The following IL17F variants were observed in gnomAD, a reference collection of about 807,000 sequenced individuals.
The protein encoded by IL17F is interleukin-17F.
IL17F carries 6 observed loss-of-function variants against 8.3 expected under a neutral mutation model. That is an observed-to-expected ratio of 0.73 (90% CI 0.40 to 1.43). The LOEUF is 1.43. IL17F is among the 40% of genes most tolerant of loss of function. The pLI is 0.02. For missense variants in IL17F, 204 were observed against 209.6 expected, an observed-to-expected ratio of 0.97 and a Z score of 0.17; for synonymous variants, 98 against 81.6, an observed-to-expected ratio of 1.20 and a Z score of -1.08.
At chr6:52,237,735 T>A (rs533564563) in intron 2 of IL17F, among the ~76,000 whole-genome samples, 1 of 152,022 alleles carries the variant, frequency 6.6e-6, no homozygotes, top group Non-Finnish European at 1.5e-5. Flanking sequence ...CCACTTGTAG[T>A]GTGACAGGAC....
chr6:52,244,833 C>T (rs544122374), upstream of IL17F, among the ~76,000 whole-genome samples: 1 of 152,294 alleles, frequency 6.6e-6, no homozygotes, highest in African/African-American at 2.4e-5. Flanking sequence ...TTGTCACGGA[C>T]CATATGTTCT....
chr6:52,244,610 G>GTTT, upstream of IL17F: 1 of 519,748 alleles, frequency 1.9e-6, no homozygotes, highest in Non-Finnish European at 3.4e-6. Flanking sequence ...GAATGCAGGG[G>GTTT]TTTTTTTTTT....
Position 52,236,769 on chromosome 6 carries a change from C to T in IL17F, c.*162G>A. 2 of 714,646 alleles carry T rather than the reference C, an allele frequency of 2.8e-6. No individual in the cohort carries two copies. Among genetic ancestry groups the T allele is most frequent in the South Asian group, 3.0e-5 (2 of 65,620 alleles). The allele number at this position is 714,646 out of a possible 1,614,324, so 44.3% of individuals were successfully genotyped here. A position where few individuals can be genotyped will look rare whatever the true frequency, so the allele number is the denominator to read the frequency against. ...TAGATATCAAATATAAAGTGTAGTA[C>T]ATACACACATACATTGTGAATATTT... On this transcript the variant is annotated 3_prime_UTR_variant, in exon 3 of 3. Transcript: ENST00000336123.
chr6:52,242,316 A>ACATCCAT (rs1245827757), intron 1 of IL17F, among the ~76,000 whole-genome samples: 1 of 152,196 alleles, frequency 6.6e-6, no homozygotes, highest in Non-Finnish European at 1.5e-5. Flanking sequence ...AGCAACCTGA[A>ACATCCAT]CATCCATCCT....
intron 1 of IL17F, among the ~76,000 whole-genome samples, chr6:52,243,810 T>C (rs1764111564): frequency 6.6e-6 from 1 of 152,128 alleles, no homozygotes; most frequent in African/African-American, 2.4e-5. Flanking sequence ...TCACCCAGGA[T>C]GGAGTGCAGT....
intron 1 of IL17F, among the ~76,000 whole-genome samples, chr6:52,243,295 C>G (rs1379626215): frequency 2.0e-5 from 3 of 152,176 alleles, no homozygotes; most frequent in Admixed American, 6.5e-5. Flanking sequence ...TCATGTACCT[C>G]TATAGTAAAT....
At chr6:52,240,075 C>T (rs993252748) in intron 1 of IL17F, among the ~76,000 whole-genome samples, 4 of 152,168 alleles carry the variant, frequency 2.6e-5, no homozygotes, top group African/African-American at 9.7e-5. Context: ...GCTTTGCTCA[C>T]CCACCATTGC....
In IL17F at chr6:52,238,870, A is replaced by G. The variant is rs1192851440; in HGVS notation, c.114T>C (p.His38=). The change falls in exon 2 of 3, where the codon CAT becomes CAC. Residue 38 remains histidine (H), a synonymous_variant. Transcript: ENST00000336123. ...AAARKIPKVG[H]TFFQKPESCP... is the part of the protein sequence containing the mutation. ...AACTCTCAGGCTTTTGGAAAAAAGT[A>G]TGTCCTACTTTGGGGATTTTCCGAG... is the stretch of plus-strand genomic sequence containing the variant. 5.0e-6 allele frequency: 8 copies of G among 1,613,896 alleles called. No homozygotes were observed. Among genetic ancestry groups the G allele is most frequent in the Admixed American group, 1.7e-5 (1 of 59,992 alleles).
chr6:52,238,242 T>C (rs1764004806), intron 2 of IL17F, among the ~76,000 whole-genome samples: 2 of 152,248 alleles, frequency 1.3e-5, no homozygotes. Flanking sequence ...TCCAAGAACC[T>C]GTATCTTAAT....
intron 1 of IL17F, among the ~76,000 whole-genome samples, chr6:52,239,465 G>C (rs1273008486): frequency 6.6e-6 from 1 of 152,022 alleles, no homozygotes; most frequent in Non-Finnish European, 1.5e-5. Context: ...CCTCTACCTA[G>C]AATACACTGC....
At chr6:52,242,116 A>G (rs371672518) in intron 1 of IL17F, among the ~76,000 whole-genome samples, 2 of 152,192 alleles carry the variant, frequency 1.3e-5, no homozygotes, top group African/African-American at 4.8e-5. Flanking sequence ...TTTAAACAGC[A>G]CCTCTCAGAG....
chr6:52,237,004 GA>G lies in IL17F; in HGVS notation c.418del (p.Ser140LeufsTer9). The G allele has an allele frequency of 6.2e-7, 1 of 1,614,218 alleles. No homozygotes were observed. The highest frequency in any genetic ancestry group is 8.5e-7 in the Non-Finnish European group (1 of 1,180,026). On this transcript the variant is annotated frameshift_variant, in exon 3 of 3. Coordinates refer to ENST00000336123, the MANE Select transcript of IL17F (RefSeq NM_052872.4). LOFTEE classifies it high-confidence loss of function. ...CACCAGCACCTTCTCCAACTGGAAA[GA>G]AACAGAGCAGCCTTGGTGCTTCCTC... is the stretch of plus-strand genomic sequence containing the variant. ...VRRKHQGCSV[S>X]FQLEKVLVTV... is the part of the protein sequence containing the mutation.
intron 1 of IL17F, among the ~76,000 whole-genome samples, chr6:52,240,899 AT>A (rs1343034607): frequency 2.0e-5 from 3 of 151,820 alleles, no homozygotes; most frequent in Admixed American, 6.6e-5. Context: ...AAAAAAAAAA[AT>A]GTGAAGATTA....
intron 2 of IL17F, 45 bp from the exon 3 acceptor site, chr6:52,237,213 G>A: frequency 1.4e-6 from 2 of 1,452,376 alleles, no homozygotes; most frequent in South Asian, 1.2e-5. Context: ...GCATGGGGGA[G>A]GAAGACAGCG....
At chr6:52,240,438 GAAAAAAAAA>G (rs34052816) in intron 1 of IL17F, among the ~76,000 whole-genome samples, 10 of 96,368 alleles carry the variant, frequency 1.0e-4, no homozygotes, top group Non-Finnish European at 6.0e-5. Context: ...CTCCTGCTTG[GAAAAAAAAA>G]AAAAAAAAAA....
chr6:52,238,847 C>T lies in IL17F; in HGVS notation c.137G>A (p.Ser46Asn), dbSNP rs1442309467. ...ACTACCTCCTGGCACAGGCGGGCAACTCTCAGGCTTTTGGAAAAAAGTATG... is the reference window on the plus strand; with the variant it reads ...ACTACCTCCTGGCACAGGCGGGCAATTCTCAGGCTTTTGGAAAAAAGTATG... The part of the protein sequence containing the change: ...VGHTFFQKPE[S>N]CPPVPGGSMK... The change falls in exon 2 of 3, where the codon AGT becomes AAT. Residue 46 changes from serine (S) to asparagine (N), a missense_variant. Transcript: ENST00000336123. 6 of 1,614,062 alleles carry T rather than the reference C, an allele frequency of 3.7e-6. No individual in the cohort carries two copies. Among genetic ancestry groups the T allele is most frequent in the South Asian group, 2.2e-5 (2 of 91,072 alleles).
chr6:52,238,785 G>C lies in IL17F; in HGVS notation c.199C>G (p.Arg67Gly), dbSNP rs754476266. The change falls in exon 2 of 3, where the codon CGC becomes GGC. Residue 67 changes from arginine to glycine, a missense_variant. Physicochemically the swap from Arg to Gly is moderately radical, Grantham distance 125. Coordinates refer to ENST00000336123, the MANE Select transcript of IL17F (RefSeq NM_052872.4). ...LDIGIINENQ[R>G]VSMSRNIESR... ...TCGATGTTACGTGACATGGAAACGCGCTGGTTTTCATTGATGATGCCAATG... is the reference window on the plus strand; with the variant it reads ...TCGATGTTACGTGACATGGAAACGCCCTGGTTTTCATTGATGATGCCAATG... The C allele has an allele frequency of 6.2e-7, 1 of 1,614,042 alleles. No individual in the cohort carries two copies. The highest frequency in any genetic ancestry group is 8.5e-7 in the Non-Finnish European group (1 of 1,180,026).
At chr6:52,244,988 G>C (rs1764139191), upstream of IL17F, among the ~76,000 whole-genome samples, 1 of 152,140 alleles carries the variant, frequency 6.6e-6, no homozygotes, top group Non-Finnish European at 1.5e-5. Flanking sequence ...GAAAAATTCA[G>C]AAATGATATA....
At position 52,236,727 on chromosome 6, in the gene IL17F, T is replaced by A; in HGVS notation, c.*204A>T. On this transcript the variant is annotated 3_prime_UTR_variant, in exon 3 of 3. Coordinates refer to ENST00000336123, the MANE Select transcript of IL17F (RefSeq NM_052872.4). ...ATTATATTAGCACTGAATATATTAA[T>A]TTTTCTCCTAACATTTTAGATATCA... is the stretch of plus-strand genomic sequence containing the variant. 1.7e-6 allele frequency: 1 copy of A among 584,602 alleles called. No individual in the cohort carries two copies. Among genetic ancestry groups the A allele is most frequent in the East Asian group, 2.9e-5 (1 of 33,944 alleles). 36.2% of individuals were successfully genotyped at this position (584,602 alleles called of 1,614,324 possible). A position where few individuals can be genotyped will look rare whatever the true frequency, so the allele number is the denominator to read the frequency against.
Sources: gnomAD v4.1 joint callset for allele counts (sites outside exome capture counted in the v4.1 genomes callset) on GRCh38, gnomAD v4.1.1 for gene constraint, MANE v1.5 for transcripts, NCBI Gene and HGNC (gene_info 2026-07-23, HGNC 2026-07-21) for gene names.